The following PDE4D variants were observed in gnomAD, a reference collection of about 807,000 sequenced individuals.
The protein encoded by PDE4D is 3',5'-cyclic-AMP phosphodiesterase 4D.
Under a neutral mutation model 87.4 loss-of-function variants are expected in PDE4D, and 24 were observed. The observed-to-expected ratio is 0.27, with a 90% CI of 0.20 to 0.39. PDE4D has a LOEUF of 0.39. Ranked by LOEUF, PDE4D falls within the 10% of genes least tolerant of loss-of-function variation. The probability of loss-of-function intolerance (pLI) is 1.00; values close to 1 mark genes in which losing one functional copy is unlikely to be tolerated. For synonymous variants in PDE4D, 384 were observed against 383.2 expected (o/e 1.00, Z -0.02); for missense variants, 714 against 1,041.0 (o/e 0.69, Z 4.32).
At chr5:60,213,902 T>A (rs1743546155) in intron 1 of PDE4D, among the ~76,000 whole-genome samples, 1 of 152,326 alleles carries the variant, frequency 6.6e-6, no homozygotes. Flanking sequence ...TTTAGAATAA[T>A]CATCTTAATG....
chr5:59,415,881 G>T (rs258129), intron 1 of PDE4D, among the ~76,000 whole-genome samples: 1 of 151,930 alleles, frequency 6.6e-6, no homozygotes, highest in Non-Finnish European at 1.5e-5. Context: ...CTAAAATTAC[G>T]AAGTGTCTCA....
intron 1 of PDE4D, among the ~76,000 whole-genome samples, chr5:60,322,345 A>T (rs1756355284): frequency 6.7e-6 from 1 of 149,628 alleles, no homozygotes; most frequent in Non-Finnish European, 1.5e-5. Flanking sequence ...GGAGCTAAAC[A>T]TTGAATATAT....
chr5:59,619,030 C>T (rs186750262), intron 1 of PDE4D, among the ~76,000 whole-genome samples: 157 of 152,238 alleles, frequency 1.0e-3, no homozygotes, highest in Non-Finnish European at 1.9e-3. Flanking sequence ...GCAACACAGA[C>T]TGACTTAGCT....
intron 1 of PDE4D, among the ~76,000 whole-genome samples, chr5:59,761,337 G>A (rs1761941319): frequency 6.6e-6 from 1 of 151,984 alleles, no homozygotes; most frequent in African/African-American, 2.4e-5. Context: ...TATAAACACT[G>A]TACACTTAGG....
chr5:59,374,059 G>A (rs1784345892), intron 1 of PDE4D, among the ~76,000 whole-genome samples: 1 of 152,076 alleles, frequency 6.6e-6, no homozygotes, highest in African/African-American at 2.4e-5. Flanking sequence ...ACCATTACCA[G>A]ACACTACAAA....
At chr5:60,311,524 T>C (rs1284477498) in intron 1 of PDE4D, among the ~76,000 whole-genome samples, 3 of 152,198 alleles carry the variant, frequency 2.0e-5, no homozygotes, top group Admixed American at 6.5e-5. Flanking sequence ...GCTAAGGGAA[T>C]TCATTACCAC....
intron 1 of PDE4D, among the ~76,000 whole-genome samples, chr5:60,313,517 T>C (rs971512198): frequency 6.6e-6 from 1 of 152,142 alleles, no homozygotes; most frequent in African/African-American, 2.4e-5. Flanking sequence ...AAGAGCTGAC[T>C]GGTACAATTC....
chr5:60,337,335 A>C (rs1331872836), intron 1 of PDE4D, among the ~76,000 whole-genome samples: 4 of 104,726 alleles, frequency 3.8e-5, no homozygotes, highest in East Asian at 3.0e-4. Context: ...TTTGTCTCAA[A>C]AAACAAACAA....
intron 2 of PDE4D, among the ~76,000 whole-genome samples, chr5:59,205,360 A>G (rs1748514037): frequency 6.6e-6 from 1 of 152,150 alleles, no homozygotes. Context: ...CAAAATAAGG[A>G]GTTAGTAACC....
At chr5:60,191,859 G>C (rs772248856) in intron 1 of PDE4D, among the ~76,000 whole-genome samples, 15 of 152,002 alleles carry the variant, frequency 9.9e-5, no homozygotes, top group Admixed American at 2.0e-4. Flanking sequence ...AAATTAGCTG[G>C]GCATGGTGGC....
At chr5:59,907,234 T>C (rs539270950) in intron 3 of PDE4D, among the ~76,000 whole-genome samples, 81 of 152,290 alleles carry the variant, frequency 5.3e-4, no homozygotes, top group African/African-American at 1.9e-3. Context: ...TGGTATCTCA[T>C]TGTGGTTTTG....
intron 5 of PDE4D, among the ~76,000 whole-genome samples, chr5:59,061,816 T>C (rs187604171): frequency 1.3e-5 from 2 of 152,244 alleles, no homozygotes; most frequent in African/African-American, 4.8e-5. Flanking sequence ...GAAACATAAA[T>C]ATCAATTATC....
At chr5:59,527,139 C>T (rs768376707) in intron 1 of PDE4D, among the ~76,000 whole-genome samples, 4 of 152,154 alleles carry the variant, frequency 2.6e-5, no homozygotes, top group African/African-American at 4.8e-5. Flanking sequence ...GAAATAACCA[C>T]TGAATGGCAT....
chr5:59,555,981 C>T (rs963285356), intron 1 of PDE4D, among the ~76,000 whole-genome samples: 11 of 152,130 alleles, frequency 7.2e-5, no homozygotes, highest in African/African-American at 2.7e-4. Context: ...TGGAATGATC[C>T]TATTTCACGT....
At chr5:60,381,309 G>T (rs1429070617) in intron 1 of PDE4D, among the ~76,000 whole-genome samples, 1 of 152,178 alleles carries the variant, frequency 6.6e-6, no homozygotes, top group African/African-American at 2.4e-5. Context: ...ATGTCACACG[G>T]TATTGCTTGC....
chr5:60,087,435 T>C (rs914386484), intron 2 of PDE4D, among the ~76,000 whole-genome samples: 1 of 152,042 alleles, frequency 6.6e-6, no homozygotes, highest in African/African-American at 2.4e-5. Context: ...ATCTCCAAAA[T>C]GTCAGGCAGA....
At chr5:59,950,293 C>T (rs1758160192) in intron 3 of PDE4D, among the ~76,000 whole-genome samples, 1 of 152,180 alleles carries the variant, frequency 6.6e-6, no homozygotes, top group African/African-American at 2.4e-5. Context: ...GTAGTTAGCT[C>T]TATCTTTTGA....
chr5:60,067,802 T>C (rs1051316075), intron 2 of PDE4D, among the ~76,000 whole-genome samples: 16 of 152,168 alleles, frequency 1.1e-4, no homozygotes, highest in African/African-American at 2.9e-4. Flanking sequence ...ATAACTCATA[T>C]AAGTGGAATC....
At chr5:59,972,677 C>T (rs1760911874) in intron 3 of PDE4D, among the ~76,000 whole-genome samples, 1 of 152,176 alleles carries the variant, frequency 6.6e-6, no homozygotes, top group Non-Finnish European at 1.5e-5. Flanking sequence ...CCTGAACCAG[C>T]TTATTCAATA....
Sources: gnomAD v4.1 joint callset for allele counts (sites outside exome capture counted in the v4.1 genomes callset) on GRCh38, gnomAD v4.1.1 for gene constraint, MANE v1.5 for transcripts, NCBI Gene and HGNC (gene_info 2026-07-23, HGNC 2026-07-21) for gene names.